Variants in MCM3 observed in about 807,000 individuals in gnomAD.
The protein encoded by MCM3 is DNA replication licensing factor MCM3.
A neutral mutation model predicts 91.3 loss-of-function variants in MCM3; 59 were observed. That is an observed-to-expected ratio of 0.65 (90% CI 0.52 to 0.80). The LOEUF (loss-of-function observed/expected upper bound fraction) is 0.80, where lower values mean the gene tolerates loss of function less well. Ranked by LOEUF, MCM3 falls within the 30% of genes least tolerant of loss-of-function variation. The probability of loss-of-function intolerance (pLI) is 0.00; values close to 1 mark genes in which losing one functional copy is unlikely to be tolerated. For missense variants in MCM3, 919 were observed against 1,035.4 expected, an observed-to-expected ratio of 0.89 and a Z score of 1.54; for synonymous variants, 383 against 379.6, an observed-to-expected ratio of 1.01 and a Z score of -0.10.
chr6:52,280,544 A>T (rs1765997969), intron 4 of MCM3, among the ~76,000 whole-genome samples: 1 of 152,250 alleles, frequency 6.6e-6, no homozygotes, highest in African/African-American at 2.4e-5. Context: ...TAAGTAGCAG[A>T]GTCTTGACTT....
At chr6:52,267,035 T>C (rs963008125) in intron 14 of MCM3, among the ~76,000 whole-genome samples, 2 of 151,724 alleles carry the variant, frequency 1.3e-5, no homozygotes, top group African/African-American at 4.9e-5. Flanking sequence ...ATTTCTTCAG[T>C]AGAGGGGTCA....
In MCM3 at chr6:52,275,192, G is replaced by A. The variant is rs568868224; in HGVS notation, c.1374+1076C>T. On this transcript the variant is annotated intron_variant, in intron 9 of 16. Coordinates refer to ENST00000596288, the MANE Select transcript of MCM3 (RefSeq NM_002388.6). ...AGATTTTAATTCAGAAACTCTGAACGGGGGACCATGCAACTGTATGTATAA... is the reference window on the plus strand; with the variant it reads ...AGATTTTAATTCAGAAACTCTGAACAGGGGACCATGCAACTGTATGTATAA... Among the ~76,000 whole-genome samples the A allele has an allele frequency of 6.6e-5, 10 of 152,242 alleles. No homozygotes were observed. The South Asian group carries it at 1.5e-3, about 22-fold the overall frequency.
intron 13 of MCM3, among the ~76,000 whole-genome samples, chr6:52,268,772 T>C (rs1764850324): frequency 6.6e-6 from 1 of 152,136 alleles, no homozygotes; most frequent in African/African-American, 2.4e-5. Flanking sequence ...ACCTACTTTT[T>C]TTTTTAAGAT....
rs1764777139 is a variant in MCM3 at position 52,267,917 on chromosome 6, T to C, written c.2020A>G (p.Thr674Ala). The change falls in exon 14 of 17, where the codon ACA (threonine) becomes GCA (alanine). Residue 674 changes from threonine to alanine, a missense_variant. Thr to Ala is a moderately conservative substitution (Grantham distance 58). Coordinates refer to ENST00000596288, the MANE Select transcript of MCM3 (RefSeq NM_002388.6). Reference protein sequence around the residue: ...RKKRSEDESETEDEEEKSQED... With the variant: ...RKKRSEDESEAEDEEEKSQED... ...TGGCTTTTCTCCTCTTCATCTTCTG[T>C]CTCTGATTCATCCTCACTTCGCTTC... 6.6e-7 allele frequency: 1 copy of C among 1,515,220 alleles called. No individual in the cohort carries two copies. The highest frequency in any genetic ancestry group is 9.2e-7 in the Non-Finnish European group (1 of 1,090,860). 93.9% of individuals were successfully genotyped at this position (1,515,220 alleles called of 1,614,324 possible). A position where few individuals can be genotyped will look rare whatever the true frequency, so the allele number is the denominator to read the frequency against.
At chr6:52,281,926 A>T in intron 4 of MCM3, 119 bp downstream of exon 4, 1 of 971,686 alleles carries the variant, frequency 1.0e-6, no homozygotes, top group Non-Finnish European at 1.5e-6. Flanking sequence ...CCTTTGGATT[A>T]ATCCTTATTT....
chr6:52,273,225 C>T lies in MCM3; in HGVS notation c.1676+5G>A, dbSNP rs776432653. On this transcript the variant is annotated splice_donor_5th_base_variant and intron_variant, in intron 11 of 16. Transcript: ENST00000596288. ...CCCTTGAGGAAGAGTTATGAGAATG[C>T]TCACTTTTTCTTCTTGGTCCCATGT... is the stretch of plus-strand genomic sequence containing the variant. 1.2e-6 allele frequency: 2 copies of T among 1,614,012 alleles called. No homozygotes were observed. The highest frequency in any genetic ancestry group is 1.7e-5 in the Admixed American group (1 of 60,002).
chr6:52,281,991 C>T, intron 4 of MCM3, 54 bp downstream of exon 4: 1 of 1,584,994 alleles, frequency 6.3e-7, no homozygotes, highest in Non-Finnish European at 8.6e-7. Flanking sequence ...TGCCTTAAAA[C>T]AGGTATCTTT....
At chr6:52,271,541 C>T (rs562309579) in intron 12 of MCM3, among the ~76,000 whole-genome samples, 356 of 152,228 alleles carry the variant, frequency 2.3e-3, no homozygotes, top group Admixed American at 4.0e-3. Flanking sequence ...ACTCAGGAGG[C>T]TGAGGCAGAA....
At chr6:52,267,826 C>T in intron 14 of MCM3, 39 bp downstream of exon 14, 1 of 802,352 alleles carries the variant, frequency 1.2e-6, no homozygotes, top group Non-Finnish European at 2.2e-6. Context: ...AACTTCTTGG[C>T]CACTAACTTT....
intron 6 of MCM3, 116 bp from the exon 7 acceptor site, chr6:52,277,804 CA>C (rs1365521152): frequency 6.8e-6 from 6 of 883,298 alleles, no homozygotes; most frequent in Non-Finnish European, 1.0e-5. Context: ...CGCAGTGGCT[CA>C]GGTCTGTAAT....
chr6:52,273,967 G>C (rs1562384680), intron 9 of MCM3, 51 bp from the exon 10 acceptor site: 3 of 1,447,576 alleles, frequency 2.1e-6, no homozygotes, highest in South Asian at 2.6e-5. Context: ...TAGGAAGAAA[G>C]AACAACAAGG....
chr6:52,276,240 A>G (rs759074057), intron 9 of MCM3, 28 bp downstream of exon 9: 8 of 1,586,304 alleles, frequency 5.0e-6, no homozygotes, highest in Non-Finnish European at 1.7e-6. Flanking sequence ...GAAGGTGAGG[A>G]CAATGGTTGG....
chr6:52,282,658 G>C lies in MCM3; in HGVS notation c.395C>G (p.Thr132Ser). 1.2e-6 allele frequency: 2 copies of C among 1,612,930 alleles called. No homozygotes were observed. The highest frequency in any genetic ancestry group is 1.7e-6 in the Non-Finnish European group (2 of 1,179,976). Residue 132 changes from threonine (T) to serine (S), a missense_variant, in exon 3 of 17, where the codon ACT (threonine) becomes AGT (serine). By Grantham distance (58) the Thr-to-Ser change is moderately conservative (BLOSUM62 1). Transcript: ENST00000596288. ...GCCCCCTTTAACCCACTTACATTTA[G>C]TGACAATGCCCTCCACACAGACCAC... The part of the protein sequence containing the change: ...SCVVCVEGIV[T>S]KCSLVRPKVV...
At position 52,273,857 on chromosome 6, in the gene MCM3, T is replaced by C; in HGVS notation, c.1434A>G (p.Arg478=). 6.2e-7 allele frequency: 1 copy of C among 1,614,042 alleles called. No individual in the cohort carries two copies. The change falls in exon 10 of 17, where the codon CGA becomes CGG. Residue 478 remains arginine, a synonymous_variant. Transcript: ENST00000596288. Reference sequence around the variant, plus strand: ...CCAGCATGATGAAGAGCAAGTCAAATCGTGACAGCAGTGAGTCCTGTAGCC... The same window carrying C: ...CCAGCATGATGAAGAGCAAGTCAAACCGTGACAGCAGTGAGTCCTGTAGCC... ...NIGLQDSLLS[R]FDLLFIMLDQ...
intron 15 of MCM3, 137 bp from the exon 16 acceptor site, chr6:52,266,281 G>A (rs1764636786): frequency 2.9e-6 from 2 of 698,168 alleles, no homozygotes; most frequent in Non-Finnish European, 5.1e-6. Context: ...GGTTCTTATG[G>A]GGCCAGGCAG....
intron 12 of MCM3, among the ~76,000 whole-genome samples, chr6:52,271,069 G>A (rs1485117890): frequency 6.6e-6 from 1 of 152,002 alleles, no homozygotes; most frequent in Non-Finnish European, 1.5e-5. Context: ...AATTAGCCGG[G>A]CATGGTGGCA....
intron 16 of MCM3, among the ~76,000 whole-genome samples, chr6:52,265,742 G>GTATC (rs1764594362): frequency 6.6e-6 from 1 of 151,708 alleles, no homozygotes; most frequent in Non-Finnish European, 1.5e-5. Context: ...TGGCCAAAAT[G>GTATC]TATCTATCCC....
Position 52,272,291 on chromosome 6 carries a change from A to T in MCM3, c.1827+10T>A. On this transcript the variant is annotated intron_variant, in intron 12 of 16. Coordinates refer to ENST00000596288, the MANE Select transcript of MCM3 (RefSeq NM_002388.6). Reference sequence around the variant, plus strand: ...AGGGACCCCAAGCCTAGGCTCCCCCAGGCACTCACCCTGGCGGTGTCTGAG... The same window carrying T: ...AGGGACCCCAAGCCTAGGCTCCCCCTGGCACTCACCCTGGCGGTGTCTGAG... The T allele has an allele frequency of 6.2e-7, 1 of 1,613,258 alleles. No individual in the cohort carries two copies. The highest frequency in any genetic ancestry group is 8.5e-7 in the Non-Finnish European group (1 of 1,179,422).
Position 52,276,479 on chromosome 6 carries a change from G to T in MCM3, c.1166-3C>A, listed in dbSNP as rs1292553592. The T allele has an allele frequency of 6.2e-7, 1 of 1,613,492 alleles. No individual in the cohort carries two copies. Among genetic ancestry groups the T allele is most frequent in the East Asian group, 2.2e-5 (1 of 44,874 alleles). On this transcript the variant is annotated splice_region_variant and splice_polypyrimidine_tract_variant and intron_variant, in intron 8 of 16. Transcript: ENST00000596288. ...CCCTGCTTCCAGACGGCGCTCTCCT[G>T]GGAAGTGAGAAGGTAAAAATACGTG...
Sources: gnomAD v4.1 joint callset for allele counts (sites outside exome capture counted in the v4.1 genomes callset) on GRCh38, gnomAD v4.1.1 for gene constraint, MANE v1.5 for transcripts, NCBI Gene and HGNC (gene_info 2026-07-23, HGNC 2026-07-21) for gene names.